Variants in TTC28 observed in about 807,000 individuals in gnomAD.
TTC28 encodes the protein tetratricopeptide repeat domain 28.
In TTC28, 61 loss-of-function variants were observed where a neutral mutation model predicts 198.0. The observed-to-expected ratio is 0.31, with a 90% CI of 0.25 to 0.38. The LOEUF is 0.38. TTC28 is among the 10% of genes least tolerant of loss of function. The probability of loss-of-function intolerance (pLI) is 1.00; values close to 1 mark genes in which losing one functional copy is unlikely to be tolerated. For synonymous variants in TTC28, 1,171 were observed against 1,297.8 expected (o/e 0.90, Z 2.10); for missense variants, 2,678 against 3,164.0 (o/e 0.85, Z 3.69).
intron 1 of TTC28, among the ~76,000 whole-genome samples, chr22:28,663,335 A>C (rs1278603862): frequency 1.3e-5 from 2 of 148,218 alleles, no homozygotes; most frequent in African/African-American, 5.1e-5. Flanking sequence ...TACAGCTCCC[A>C]GCGTGAGCGA....
intron 2 of TTC28, among the ~76,000 whole-genome samples, chr22:28,435,653 C>G (rs2047509224): frequency 6.6e-6 from 1 of 152,176 alleles, no homozygotes; most frequent in African/African-American, 2.4e-5. Context: ...ACTCTGTAGC[C>G]TCTTACACTG....
chr22:28,382,255 T>C (rs577502501), intron 2 of TTC28, among the ~76,000 whole-genome samples: 544 of 152,246 alleles, frequency 3.6e-3, no homozygotes, highest in Admixed American at 7.7e-3. Flanking sequence ...TCCCTCAAGA[T>C]ACAAATATAA....
intron 2 of TTC28, among the ~76,000 whole-genome samples, chr22:28,366,489 A>G (rs553056957): frequency 6.6e-6 from 1 of 152,298 alleles, no homozygotes; most frequent in African/African-American, 2.4e-5. Flanking sequence ...TATGCAGATA[A>G]TCACAATAAA....
chr22:28,662,358 A>G (rs1343410583), intron 1 of TTC28, among the ~76,000 whole-genome samples: 1 of 152,218 alleles, frequency 6.6e-6, no homozygotes, highest in Non-Finnish European at 1.5e-5. Flanking sequence ...GTCTAAGGCA[A>G]ATGGTTAAGA....
At chr22:28,040,231 AT>A (rs1939562245) in intron 12 of TTC28, among the ~76,000 whole-genome samples, 2 of 151,620 alleles carry the variant, frequency 1.3e-5, no homozygotes, top group Non-Finnish European at 3.0e-5. Context: ...TCCCTAACTC[AT>A]TTTATGAGGC....
chr22:28,106,367 C>A (rs1942302582), intron 7 of TTC28, among the ~76,000 whole-genome samples: 1 of 152,154 alleles, frequency 6.6e-6, no homozygotes, highest in Admixed American at 6.5e-5. Context: ...TCTTTTTCTG[C>A]TGCTAAGAGA....
chr22:28,367,420 T>G (rs540004639), intron 2 of TTC28, among the ~76,000 whole-genome samples: 176 of 152,050 alleles, frequency 1.2e-3, no homozygotes, highest in African/African-American at 3.9e-3. Flanking sequence ...TATCAAAACT[T>G]ACGGGATACA....
chr22:28,436,710 G>A (rs550539644), intron 2 of TTC28, among the ~76,000 whole-genome samples: 6 of 152,282 alleles, frequency 3.9e-5, no homozygotes, highest in Non-Finnish European at 8.8e-5. Flanking sequence ...GTCACACTAA[G>A]AGCTAGGTGC....
At chr22:28,172,396 A>G (rs1277865106) in intron 5 of TTC28, among the ~76,000 whole-genome samples, 1 of 152,202 alleles carries the variant, frequency 6.6e-6, no homozygotes, top group Non-Finnish European at 1.5e-5. Flanking sequence ...GTTGGAGGCA[A>G]TGAGCCTTTG....
chr22:28,620,829 AG>A (rs1482256871), intron 2 of TTC28, among the ~76,000 whole-genome samples: 3 of 152,162 alleles, frequency 2.0e-5, no homozygotes, highest in Non-Finnish European at 2.9e-5. Flanking sequence ...TGCCTGGGAA[AG>A]CTTCACAGAG....
chr22:28,485,278 AC>A (rs2048301772), intron 2 of TTC28, among the ~76,000 whole-genome samples: 1 of 152,222 alleles, frequency 6.6e-6, no homozygotes, highest in Non-Finnish European at 1.5e-5. Flanking sequence ...CCATTTCATT[AC>A]ATTTCATTTT....
chr22:28,629,771 G>C lies in TTC28; in HGVS notation c.162C>G (p.Ser54Arg). ...GQRSPDGPVL[S>R]KAEFVEKVRQ... The stretch of plus-strand genomic sequence containing the variant: ...GAACTTTCTCAACAAATTCAGCTTT[G>C]CTCAGTACCGGTCCATCAGGACTTC... Residue 54 changes from serine to arginine, a missense_variant, in exon 2 of 23, where the codon AGC (serine) becomes AGG (arginine). This residue lies in a region of TTC28 where 176 missense variants were observed against 197.9 expected (regional missense o/e 0.89). Coordinates refer to ENST00000397906, the MANE Select transcript of TTC28 (RefSeq NM_001145418.2). 1.3e-6 allele frequency: 2 copies of C among 1,551,676 alleles called. No homozygotes were observed. Among genetic ancestry groups the C allele is most frequent in the Non-Finnish European group, 1.7e-6 (2 of 1,146,968 alleles).
chr22:28,220,921 G>A (rs1927804888), intron 5 of TTC28, among the ~76,000 whole-genome samples: 1 of 152,162 alleles, frequency 6.6e-6, no homozygotes, highest in Non-Finnish European at 1.5e-5. Context: ...GAGCTTGACA[G>A]TATGGAGAGA....
At chr22:28,133,091 C>T (rs553395808) in intron 6 of TTC28, among the ~76,000 whole-genome samples, 10 of 152,194 alleles carry the variant, frequency 6.6e-5, no homozygotes, top group Admixed American at 1.3e-4. Flanking sequence ...GGTGTGATGG[C>T]GCATGCCTGT....
intron 12 of TTC28, among the ~76,000 whole-genome samples, chr22:28,041,905 G>A (rs1207616165): frequency 4.0e-5 from 6 of 151,476 alleles, no homozygotes; most frequent in South Asian, 4.2e-4. Flanking sequence ...AAACCCCATC[G>A]AAAAGTGGGC....
At chr22:28,274,708 T>G (rs1932298426) in intron 5 of TTC28, among the ~76,000 whole-genome samples, 1 of 152,080 alleles carries the variant, frequency 6.6e-6, no homozygotes, top group African/African-American at 2.4e-5. Context: ...AGGCTGGGCC[T>G]GGTGGCTCAC....
chr22:28,574,743 T>C (rs75705272), intron 2 of TTC28, among the ~76,000 whole-genome samples: 2,948 of 152,316 alleles, frequency 0.019, 29 homozygotes, highest in Non-Finnish European at 0.026. Flanking sequence ...TGATAGCTCA[T>C]TGTAATTTTG....
chr22:28,171,234 T>C (rs1471157035), intron 5 of TTC28, among the ~76,000 whole-genome samples: 1 of 152,176 alleles, frequency 6.6e-6, no homozygotes, highest in African/African-American at 2.4e-5. Flanking sequence ...CTTTTTATCC[T>C]AAAAGTTGGA....
At chr22:28,226,986 A>G (rs1387932058) in intron 5 of TTC28, among the ~76,000 whole-genome samples, 2 of 152,052 alleles carry the variant, frequency 1.3e-5, no homozygotes, top group Non-Finnish European at 2.9e-5. Context: ...AGTGCAGTAG[A>G]GCAATCATAG....
Sources: gnomAD v4.1 joint callset for allele counts (sites outside exome capture counted in the v4.1 genomes callset) on GRCh38, gnomAD v4.1.1 for gene constraint, gnomAD v4.1.1 regional missense constraint, MANE v1.5 for transcripts, NCBI Gene and HGNC (gene_info 2026-07-23, HGNC 2026-07-21) for gene names.